Variants in APP observed in about 807,000 individuals in gnomAD.
APP encodes amyloid beta precursor protein, also known as amyloid-beta precursor protein.
APP carries 31 observed loss-of-function variants against 101.4 expected under a neutral mutation model. The ratio of observed to expected loss-of-function variants is 0.31; its 90% CI spans 0.23 to 0.41. The LOEUF (loss-of-function observed/expected upper bound fraction) is 0.41. Among genes scored for constraint, APP ranks in the 10% least tolerant of loss-of-function variants. APP has a pLI of 1.00. For missense variants in APP, 839 were observed against 1,003.7 expected (o/e 0.84, Z 2.22); for synonymous variants, 366 against 364.4 (o/e 1.00, Z -0.05).
At chr21:26,127,171 C>A (rs1370562152) in intron 1 of APP, among the ~76,000 whole-genome samples, 1 of 147,236 alleles carries the variant, frequency 6.8e-6, no homozygotes, top group Non-Finnish European at 1.5e-5. Context: ...ATTAAGAAAT[C>A]TTGAGGGTTA....
At chr21:26,052,919 T>G (rs778608797) in intron 4 of APP, among the ~76,000 whole-genome samples, 1 of 152,356 alleles carries the variant, frequency 6.6e-6, no homozygotes, top group African/African-American at 2.4e-5. Flanking sequence ...TATTTTTAAG[T>G]TGCGAAACAC....
intron 1 of APP, among the ~76,000 whole-genome samples, chr21:26,165,975 T>C (rs432811): frequency 0.053 from 8,093 of 152,224 alleles, 349 homozygotes; most frequent in East Asian, 0.2. Context: ...TTTTGCCAGA[T>C]TTCTACTTCT....
At chr21:25,890,710 G>T (rs544242846) in intron 17 of APP, among the ~76,000 whole-genome samples, 1 of 125,872 alleles carries the variant, frequency 7.9e-6, no homozygotes, top group African/African-American at 3.3e-5. Context: ...GGGCAACAGC[G>T]CGAGACTGTC....
At chr21:25,968,322 C>CTTTTTTT (rs34021818) in intron 11 of APP, among the ~76,000 whole-genome samples, 5 of 113,860 alleles carry the variant, frequency 4.4e-5, no homozygotes, top group African/African-American at 1.7e-4. Flanking sequence ...TTAAAAAAAT[C>CTTTTTTT]TTTTTTTTTT....
chr21:26,111,580 T>TAA (rs201994202), intron 2 of APP, among the ~76,000 whole-genome samples: 1 of 151,400 alleles, frequency 6.6e-6, no homozygotes, highest in African/African-American at 2.4e-5. Context: ...TACTAAAAAT[T>TAA]AAAAAAAATC....
Position 25,906,292 on chromosome 21 carries a change from T to C in APP, c.1910-1215A>G, listed in dbSNP as rs778230175. 2.6e-5 allele frequency among the ~76,000 whole-genome samples: 4 copies of C among 152,388 alleles called. 1 individual carries two copies. The South Asian group carries it at 8.3e-4, about 32-fold the overall frequency. ...ATTTGGTCCTTTCTCATGTAGAGAC[T>C]GGCAGCATGGTGGAGTCAAAAGGAG... On this transcript the variant is annotated intron_variant, in intron 14 of 17. Transcript: ENST00000346798.
chr21:26,111,111 C>CAAAAAAAAAAAAAAAAAAAAAAAAA (rs2062311255), intron 2 of APP, among the ~76,000 whole-genome samples: 1 of 101,788 alleles, frequency 9.8e-6, no homozygotes, highest in African/African-American at 3.9e-5. Context: ...AAAAAAAAAG[C>CAAAAAAAAAAAAAAAAAAAAAAAAA]AAAGTGCAGA....
chr21:25,995,133 G>A (rs766626503), intron 8 of APP, among the ~76,000 whole-genome samples: 49 of 152,150 alleles, frequency 3.2e-4, no homozygotes, highest in African/African-American at 9.4e-4. Context: ...TGGTAGTTAC[G>A]TGTACAGCAT....
At position 25,912,786 on chromosome 21, in the gene APP, A is replaced by C. The variant is rs535255064; in HGVS notation, c.1688-824T>G. ...GAATCAGCTTTATGGAACATCATTG[A>C]CTTATCTTTTCTTACTGGAAAAAGA... On this transcript the variant is annotated intron_variant, in intron 13 of 17. Coordinates refer to ENST00000346798, the MANE Select transcript of APP (RefSeq NM_000484.4). Among the ~76,000 whole-genome samples, 6 of 152,314 alleles carry C rather than the reference A, an allele frequency of 3.9e-5. No individual in the cohort carries two copies. The South Asian group carries it at 1.2e-3, about 32-fold the overall frequency.
intron 7 of APP, 45 bp downstream of exon 7, chr21:25,999,970 C>G (rs200839321): frequency 2.5e-6 from 4 of 1,602,822 alleles, no homozygotes; most frequent in Admixed American, 3.4e-5. Flanking sequence ...GAGTCAGTGG[C>G]GAGAGAGACG....
rs531017836 is a variant in APP, at chr21:25,886,265, T to C, written c.2212-4494A>G. Among the ~76,000 whole-genome samples, 9 of 152,330 alleles carry C rather than the reference T, an allele frequency of 5.9e-5. No individual in the cohort carries two copies. The South Asian group carries it at 1.9e-3, about 32-fold the overall frequency. On this transcript the variant is annotated intron_variant, in intron 17 of 17. Coordinates refer to ENST00000346798, the MANE Select transcript of APP (RefSeq NM_000484.4). The stretch of plus-strand genomic sequence containing the variant: ...AGTAACTGCCTGCTACCTAGTTGTA[T>C]AGATGCTTGTTTTCCTAATTTTGAT...
intron 17 of APP, 110 bp downstream of exon 17, chr21:25,891,612 A>G: frequency 4.6e-6 from 5 of 1,083,550 alleles, no homozygotes; most frequent in Admixed American, 1.7e-5. Flanking sequence ...ATGGAAGCAC[A>G]CTGATTCGTT....
intron 5 of APP, among the ~76,000 whole-genome samples, chr21:26,032,171 T>C (rs1408292031): frequency 6.6e-6 from 1 of 152,236 alleles, no homozygotes; most frequent in Non-Finnish European, 1.5e-5. Flanking sequence ...ACATTTTTCC[T>C]CTTCCAACAA....
chr21:26,024,314 A>C (rs1358458595), intron 5 of APP, among the ~76,000 whole-genome samples: 2 of 151,176 alleles, frequency 1.3e-5, no homozygotes, highest in African/African-American at 4.9e-5. Context: ...CCCAGAAGGA[A>C]AAAAAAAAGC....
chr21:26,092,641 T>A (rs143763767), intron 2 of APP, among the ~76,000 whole-genome samples: 478 of 152,316 alleles, frequency 3.1e-3, no homozygotes, highest in Non-Finnish European at 4.0e-3. Context: ...CCAAAAAATG[T>A]ATACCGCCAA....
At chr21:25,891,929 T>A in intron 16 of APP, 61 bp from the exon 17 acceptor site, 1 of 1,499,630 alleles carries the variant, frequency 6.7e-7, no homozygotes, top group Admixed American at 1.9e-5. Context: ...TTACAATTTA[T>A]AAACGCAATT....
intron 3 of APP, among the ~76,000 whole-genome samples, chr21:26,081,692 G>A (rs139624513): frequency 0.01 from 1,555 of 152,260 alleles, 19 homozygotes; most frequent in Non-Finnish European, 0.017. Context: ...GCATGTAGCT[G>A]TGGAATACTA....
At chr21:25,923,050 G>T (rs1234851899) in intron 13 of APP, among the ~76,000 whole-genome samples, 2 of 143,646 alleles carry the variant, frequency 1.4e-5, no homozygotes, top group Non-Finnish European at 3.0e-5. Context: ...CAATGGAACA[G>T]AACAGAGCCC....
intron 3 of APP, among the ~76,000 whole-genome samples, chr21:26,086,978 A>G (rs2061718510): frequency 6.6e-6 from 1 of 152,220 alleles, no homozygotes; most frequent in Non-Finnish European, 1.5e-5. Flanking sequence ...CTGTGAAGAG[A>G]GACGAAGAAC....
Sources: gnomAD v4.1 joint callset for allele counts (sites outside exome capture counted in the v4.1 genomes callset) on GRCh38, gnomAD v4.1.1 for gene constraint, MANE v1.5 for transcripts, NCBI Gene and HGNC (gene_info 2026-07-23, HGNC 2026-07-21) for gene names.